The following LOC122539214 variants were observed in gnomAD, a reference collection of about 807,000 sequenced individuals.
At chr19:52,680,728 T>C in the LOC122539214 span, among the ~76,000 whole-genome samples, 1 of 138,846 alleles carries the variant, frequency 7.2e-6, no homozygotes, top group Non-Finnish European at 1.5e-5. Flanking sequence ...TTCTCCTGCC[T>C]CAGCCTCCCG....
the LOC122539214 span, among the ~76,000 whole-genome samples, chr19:52,658,967 C>T: frequency 2.0e-5 from 3 of 152,236 alleles, no homozygotes; most frequent in African/African-American, 7.2e-5. Context: ...GCCTGGAGTG[C>T]GAGCTGCTCA....
the LOC122539214 span, among the ~76,000 whole-genome samples, chr19:52,674,897 C>A: frequency 0.04 from 6,041 of 152,216 alleles, 343 homozygotes; most frequent in African/African-American, 0.13. Context: ...AAACAAAAAA[C>A]CGGCTGGGAA....
At chr19:52,675,570 T>TA in the LOC122539214 span, among the ~76,000 whole-genome samples, 2 of 152,114 alleles carry the variant, frequency 1.3e-5, no homozygotes, top group Non-Finnish European at 2.9e-5. Context: ...GGTCTTGACT[T>TA]ACTCAGTGAG....
At chr19:52,659,072 G>T in the LOC122539214 span, among the ~76,000 whole-genome samples, 1 of 152,092 alleles carries the variant, frequency 6.6e-6, no homozygotes. Context: ...ATCCGTCTGG[G>T]CCAGGGTCCG....
At chr19:52,683,228 CTGTGTGTGTGTGTGTG>C in the LOC122539214 span, among the ~76,000 whole-genome samples, 1,460 of 128,038 alleles carry the variant, frequency 0.011, 12 homozygotes, top group African/African-American at 0.038. Flanking sequence ...CCCTGTGACT[CTGTGTGTGTGTGTGTG>C]TGTGTGTGTG....
chr19:52,677,329 A>AAAT, the LOC122539214 span, among the ~76,000 whole-genome samples: 3 of 129,142 alleles, frequency 2.3e-5, no homozygotes, highest in Admixed American at 8.0e-5. Context: ...AAAAAAAAAA[A>AAAT]ACAAAAATTA....
At chr19:52,664,406 G>A in the LOC122539214 span, among the ~76,000 whole-genome samples, 1 of 152,136 alleles carries the variant, frequency 6.6e-6, no homozygotes, top group South Asian at 2.1e-4. Flanking sequence ...TGAAGTGGGA[G>A]GATCCGTTGA....
the LOC122539214 span, among the ~76,000 whole-genome samples, chr19:52,663,169 G>GC: frequency 6.6e-6 from 1 of 150,436 alleles, no homozygotes; most frequent in Admixed American, 6.6e-5. Flanking sequence ...TCTCAAAAAA[G>GC]GAAAAAAAAA....
the LOC122539214 span, chr19:52,653,394 T>G: frequency 1.1e-6 from 1 of 947,472 alleles, no homozygotes; most frequent in Non-Finnish European, 1.7e-6. Context: ...ATTCATTACA[T>G]GTGTAAGGTT....
the LOC122539214 span, among the ~76,000 whole-genome samples, chr19:52,657,056 A>C: frequency 1.3e-5 from 2 of 151,912 alleles, no homozygotes; most frequent in African/African-American, 4.8e-5. Flanking sequence ...GCAGAGTTTG[A>C]AGTGATCCAA....
At chr19:52,655,363 T>G in the LOC122539214 span, 2 of 518,542 alleles carry the variant, frequency 3.9e-6, no homozygotes, top group Non-Finnish European at 6.8e-6. Flanking sequence ...ATGAATGTTC[T>G]GTTTTTATGT....
the LOC122539214 span, chr19:52,650,556 C>T: frequency 1.3e-5 from 2 of 152,058 alleles, no homozygotes; most frequent in African/African-American, 4.8e-5. Flanking sequence ...GGCACCCAGC[C>T]GAACTTATTA....
At chr19:52,680,290 C>A in the LOC122539214 span, among the ~76,000 whole-genome samples, 1 of 152,206 alleles carries the variant, frequency 6.6e-6, no homozygotes, top group African/African-American at 2.4e-5. Context: ...GGGACATTTT[C>A]ATCACCCACA....
the LOC122539214 span, chr19:52,655,788 T>C: frequency 5.0e-6 from 3 of 604,610 alleles, no homozygotes; most frequent in Non-Finnish European, 8.8e-6. Flanking sequence ...TCCAAGACGG[T>C]GTTCTGACAA....
At chr19:52,668,351 C>T in the LOC122539214 span, among the ~76,000 whole-genome samples, 2 of 152,154 alleles carry the variant, frequency 1.3e-5, no homozygotes, top group African/African-American at 4.8e-5. Context: ...CTGGATCAAG[C>T]CCTACCAAAT....
chr19:52,676,942 A>G, the LOC122539214 span, among the ~76,000 whole-genome samples: 1 of 141,226 alleles, frequency 7.1e-6, no homozygotes, highest in Non-Finnish European at 1.5e-5. Flanking sequence ...GCTCCTTAAG[A>G]GTCATCACCA....
chr19:52,664,378 C>T, the LOC122539214 span, among the ~76,000 whole-genome samples: 2 of 151,902 alleles, frequency 1.3e-5, no homozygotes, highest in African/African-American at 4.8e-5. Context: ...TAGCTGTGGT[C>T]CCAGCTACTC....
the LOC122539214 span, among the ~76,000 whole-genome samples, chr19:52,669,721 T>C: frequency 1.6e-4 from 25 of 152,280 alleles, no homozygotes; most frequent in African/African-American, 4.1e-4. Flanking sequence ...AAAAGAATAG[T>C]AGCCTCAATT....
chr19:52,669,707 A>G, the LOC122539214 span, among the ~76,000 whole-genome samples: 1 of 152,286 alleles, frequency 6.6e-6, no homozygotes, highest in South Asian at 2.1e-4. Context: ...GGTTCGGTAG[A>G]TGGAAAAGAA....
Sources: gnomAD v4.1 joint callset for allele counts (sites outside exome capture counted in the v4.1 genomes callset) on GRCh38, gnomAD v4.1.1 for gene constraint, MANE v1.5 for transcripts.